ADGRF3: variants seen among roughly 807,000 people sequenced by gnomAD.
ADGRF3 encodes the protein adhesion G protein-coupled receptor F3.
In ADGRF3, 85 loss-of-function variants were observed where a neutral mutation model predicts 93.2. That is an observed-to-expected ratio of 0.91 (90% CI 0.77 to 1.09). ADGRF3 has a LOEUF of 1.09. Among genes scored for constraint, ADGRF3 ranks in the 50% least tolerant of loss-of-function variants. ADGRF3 has a pLI of 0.00. For synonymous variants in ADGRF3, 534 were observed against 532.5 expected (o/e 1.00, Z -0.04); for missense variants, 1,125 against 1,246.2 (o/e 0.90, Z 1.46).
chr2:26,324,006 C>G (rs1675302178), intron 1 of ADGRF3, among the ~76,000 whole-genome samples: 1 of 152,054 alleles, frequency 6.6e-6, no homozygotes, highest in African/African-American at 2.4e-5. Context: ...CTTTGGGAGG[C>G]CGAGGCGGGT....
rs1208621907 is a variant in ADGRF3, at chr2:26,308,645, A to C, written c.*441T>G. 6.4e-6 allele frequency: 1 copy of C among 156,118 alleles called. No individual in the cohort carries two copies. The highest frequency in any genetic ancestry group is 2.4e-5 in the African/African-American group (1 of 41,604). 9.7% of individuals were successfully genotyped at this position (156,118 alleles called of 1,614,324 possible). ...TCATCTCCAATGTTTGAAAGATCAG[A>C]GGTTCCTGTCAAGTAAGTCATCCTT... On this transcript the variant is annotated 3_prime_UTR_variant, in exon 14 of 14. Coordinates refer to ENST00000651242, the MANE Select transcript of ADGRF3 (RefSeq NM_001321971.2).
intron 1 of ADGRF3, among the ~76,000 whole-genome samples, chr2:26,337,549 G>T (rs758269400): frequency 6.6e-6 from 1 of 152,164 alleles, no homozygotes; most frequent in African/African-American, 2.4e-5. Context: ...CTTATTTTAG[G>T]CTACTGAATT....
In ADGRF3 at chr2:26,308,760, T is replaced by G; in HGVS notation, c.*326A>C. 1 of 337,096 alleles carries G rather than the reference T, an allele frequency of 3.0e-6. No individual in the cohort carries two copies. The highest frequency in any genetic ancestry group is 2.1e-5 in the African/African-American group (1 of 47,896). The allele number at this position is 337,096 out of a possible 1,614,324, so 20.9% of individuals were successfully genotyped here. On this transcript the variant is annotated 3_prime_UTR_variant, in exon 14 of 14. Coordinates refer to ENST00000651242, the MANE Select transcript of ADGRF3 (RefSeq NM_001321971.2). ...ATCAAATATATTCATTCACAACATGTATTGTTGTAGTTAAAAACTGGTTGA... is the reference window on the plus strand; with the variant it reads ...ATCAAATATATTCATTCACAACATGGATTGTTGTAGTTAAAAACTGGTTGA...
intron 5 of ADGRF3, among the ~76,000 whole-genome samples, 178 bp downstream of exon 5, chr2:26,315,344 T>A (rs968953187): frequency 6.6e-6 from 1 of 152,134 alleles, no homozygotes; most frequent in African/African-American, 2.4e-5. Flanking sequence ...TAGCCTTTGT[T>A]TCCCCAGAAT....
At chr2:26,337,376 T>C (rs1316637612) in intron 1 of ADGRF3, among the ~76,000 whole-genome samples, 1 of 152,208 alleles carries the variant, frequency 6.6e-6, no homozygotes, top group Non-Finnish European at 1.5e-5. Context: ...AGATAAAAAT[T>C]GTATTTATTT....
Position 26,311,547 on chromosome 2 carries a change from C to A in ADGRF3, c.1977G>T (p.Gly659=), listed in dbSNP as rs1574696247. 1.9e-6 allele frequency: 3 copies of A among 1,614,018 alleles called. No homozygotes were observed. The highest frequency in any genetic ancestry group is 2.2e-5 in the South Asian group (2 of 91,080). Residue 659 remains glycine (G), a synonymous_variant, in exon 10 of 14, where the codon GGG becomes GGT. Coordinates refer to ENST00000651242, the MANE Select transcript of ADGRF3 (RefSeq NM_001321971.2). ...CCTGGCACCCTTCTTTGGACCAACC[C>A]CCCCTGCCCTGGAAGAGACTGTGAT... is the stretch of plus-strand genomic sequence containing the variant. ...FWDHSLFQGR[G]GWSKEGCQAQ... is the part of the protein sequence containing the mutation.
At chr2:26,316,472 G>A in intron 3 of ADGRF3, 24 bp from the exon 4 acceptor site, 1 of 1,547,834 alleles carries the variant, frequency 6.5e-7, no homozygotes, top group Non-Finnish European at 8.7e-7. Context: ...GAGAAGAGGG[G>A]GTGGGCAGGC....
At chr2:26,338,911 G>A (rs1454428161) in intron 1 of ADGRF3, among the ~76,000 whole-genome samples, 1 of 151,820 alleles carries the variant, frequency 6.6e-6, no homozygotes, top group Non-Finnish European at 1.5e-5. Context: ...GCTGGGGTGG[G>A]CGGATCACAA....
chr2:26,341,709 G>C (rs2147929718), intron 1 of ADGRF3, among the ~76,000 whole-genome samples: 1 of 152,122 alleles, frequency 6.6e-6, no homozygotes, highest in South Asian at 2.1e-4. Flanking sequence ...TGTTGCCCAG[G>C]CTGGTCTTGA....
Position 26,311,624 on chromosome 2 carries a change from C to T in ADGRF3, c.1900G>A (p.Val634Ile). 1 of 1,613,634 alleles carries T rather than the reference C, an allele frequency of 6.2e-7. No homozygotes were observed. The highest frequency in any genetic ancestry group is 1.1e-5 in the South Asian group (1 of 91,080). Residue 634 changes from valine (V) to isoleucine (I), a missense_variant, in exon 10 of 14, where the codon GTC becomes ATC. Physicochemically the swap from Val to Ile is conservative, Grantham distance 29. Coordinates refer to ENST00000651242, the MANE Select transcript of ADGRF3 (RefSeq NM_001321971.2). ...AGDRAFSQGE[V>I]IMDFGNTDGS... ...TCTGTGTTCCCAAAGTCCATGATGACCTCTCCCTGGCTGAAGGCCCGGTCA... is the reference window on the plus strand; with the variant it reads ...TCTGTGTTCCCAAAGTCCATGATGATCTCTCCCTGGCTGAAGGCCCGGTCA...
At position 26,314,850 on chromosome 2, in the gene ADGRF3, G is replaced by T. The variant is rs1400574191; in HGVS notation, c.719-227C>A. On this transcript the variant is annotated intron_variant, in intron 5 of 13. Transcript: ENST00000651242. ...CTCTCTTTTATCGGCCCATGCCCGT[G>T]AATTTCATGCTCTCCCTAGAGCAGA... 4 of 566,060 alleles carry T rather than the reference G, an allele frequency of 7.1e-6. No individual in the cohort carries two copies. The East Asian group carries it at 1.2e-4, about 17-fold the overall frequency. 35.1% of individuals were successfully genotyped at this position (566,060 alleles called of 1,614,324 possible).
In ADGRF3 at chr2:26,311,662, G is replaced by A. The variant is rs770920596; in HGVS notation, c.1862C>T (p.Ser621Phe). The A allele has an allele frequency of 5.6e-6, 9 of 1,613,408 alleles. No homozygotes were observed. In the South Asian group the frequency reaches 9.9e-5, roughly 18 times the overall value. Residue 621 changes from serine to phenylalanine, a missense_variant, in exon 10 of 14, where the codon TCC becomes TTC. Physicochemically the swap from Ser to Phe is radical, Grantham distance 155. Coordinates refer to ENST00000651242, the MANE Select transcript of ADGRF3 (RefSeq NM_001321971.2). ...YATPGLVLVI[S>F]IMAGDRAFSQ... ...GAAGGCCCGGTCACCTGCCATGATG[G>A]AAATGACAAGGACCAGGCCAGGAGT... is the stretch of plus-strand genomic sequence containing the variant.
Position 26,315,483 on chromosome 2 carries a change from G to T in ADGRF3, c.718+39C>A, listed in dbSNP as rs1197732569. ...AAGACGAGGATGAAGGGAAGTAAGA[G>T]GAAGGAGAAAGGAGGCAAGGAGAGG... On this transcript the variant is annotated intron_variant, in intron 5 of 13. Coordinates refer to ENST00000651242, the MANE Select transcript of ADGRF3 (RefSeq NM_001321971.2). The T allele has an allele frequency of 4.7e-5, 72 of 1,533,196 alleles. 1 individual carries two copies. In the South Asian group the frequency reaches 8.4e-4, roughly 18 times the overall value. The allele number at this position is 1,533,196 out of a possible 1,614,324, so 95.0% of individuals were successfully genotyped here. A position where few individuals can be genotyped will look rare whatever the true frequency, so the allele number is the denominator to read the frequency against.
Position 26,310,679 on chromosome 2 carries a change from C to A in ADGRF3, c.2832+13G>T. On this transcript the variant is annotated intron_variant, in intron 10 of 13. Coordinates refer to ENST00000651242, the MANE Select transcript of ADGRF3 (RefSeq NM_001321971.2). ...AAAAAAGCAAAAAACACAGCCACCCCCCTATCACCTACCTGGAGGGTGTTG... is the reference window on the plus strand; with the variant it reads ...AAAAAAGCAAAAAACACAGCCACCCACCTATCACCTACCTGGAGGGTGTTG... 6.2e-7 allele frequency: 1 copy of A among 1,604,010 alleles called. No individual in the cohort carries two copies. The highest frequency in any genetic ancestry group is 1.1e-5 in the South Asian group (1 of 89,086).
chr2:26,336,961 T>C (rs1018087876), intron 1 of ADGRF3, among the ~76,000 whole-genome samples: 9 of 152,070 alleles, frequency 5.9e-5, no homozygotes, highest in Admixed American at 2.0e-4. Flanking sequence ...AAGTAAGAGA[T>C]AGTTTATGAT....
intron 1 of ADGRF3, among the ~76,000 whole-genome samples, chr2:26,320,687 T>G (rs1675100262): frequency 6.6e-6 from 1 of 152,136 alleles, no homozygotes; most frequent in African/African-American, 2.4e-5. Context: ...ATAAGAATAT[T>G]CAAGGCAGAA....
rs1673723108 is a variant in ADGRF3 at position 26,308,313 on chromosome 2, T to C, written c.*773A>G. On this transcript the variant is annotated 3_prime_UTR_variant, in exon 14 of 14. Coordinates refer to ENST00000651242, the MANE Select transcript of ADGRF3 (RefSeq NM_001321971.2). ...CTAGTTTAAAAATTTCTCAGAATCC[T>C]GTCATCTTCCTCTTGTGAATTCCAT... The C allele has an allele frequency of 1.3e-5, 2 of 152,172 alleles. No homozygotes were observed. The highest frequency in any genetic ancestry group is 4.8e-5 in the African/African-American group (2 of 41,466). The allele number at this position is 152,172 out of a possible 1,614,324, so 9.4% of individuals were successfully genotyped here.
In ADGRF3 at chr2:26,311,644, C is replaced by G; in HGVS notation, c.1880G>C (p.Arg627Pro). The change falls in exon 10 of 14, where the codon CGG (arginine) becomes CCG (proline). Residue 627 changes from arginine to proline, a missense_variant. Coordinates refer to ENST00000651242, the MANE Select transcript of ADGRF3 (RefSeq NM_001321971.2). Reference protein sequence around the residue: ...VLVISIMAGDRAFSQGEVIMD... With the variant: ...VLVISIMAGDPAFSQGEVIMD... ...GATGACCTCTCCCTGGCTGAAGGCCCGGTCACCTGCCATGATGGAAATGAC... is the reference window on the plus strand; with the variant it reads ...GATGACCTCTCCCTGGCTGAAGGCCGGGTCACCTGCCATGATGGAAATGAC... 7.4e-6 allele frequency: 12 copies of G among 1,613,310 alleles called. No homozygotes were observed. Among genetic ancestry groups the G allele is most frequent in the Non-Finnish European group, 1.0e-5 (12 of 1,179,880 alleles).
intron 1 of ADGRF3, among the ~76,000 whole-genome samples, chr2:26,331,805 C>T (rs976687863): frequency 2.6e-5 from 4 of 151,782 alleles, no homozygotes; most frequent in Non-Finnish European, 4.4e-5. Context: ...ATAAATAGCA[C>T]ATATTTTGGT....
Sources: gnomAD v4.1 joint callset for allele counts (sites outside exome capture counted in the v4.1 genomes callset) on GRCh38, gnomAD v4.1.1 for gene constraint, MANE v1.5 for transcripts, NCBI Gene and HGNC (gene_info 2026-07-23, HGNC 2026-07-21) for gene names.